HCN1: variants seen among roughly 807,000 people sequenced by gnomAD.
HCN1 encodes potassium/sodium hyperpolarization-activated cyclic nucleotide-gated channel 1.
A neutral mutation model predicts 78.9 loss-of-function variants in HCN1; 13 were observed. That is an observed-to-expected ratio of 0.16 (90% CI 0.11 to 0.26). The LOEUF is 0.26. HCN1 is among the 10% of genes least tolerant of loss of function. The pLI is 1.00. For missense variants in HCN1, 810 were observed against 1,154.3 expected, an observed-to-expected ratio of 0.70 and a Z score of 4.32; for synonymous variants, 552 against 455.5, an observed-to-expected ratio of 1.21 and a Z score of -2.70.
At chr5:45,352,199 A>AG (rs1287797426) in intron 5 of HCN1, among the ~76,000 whole-genome samples, 1 of 152,202 alleles carries the variant, frequency 6.6e-6, no homozygotes, top group African/African-American at 2.4e-5. Context: ...TGCAGCCATA[A>AG]AAATGATGAG....
intron 2 of HCN1, among the ~76,000 whole-genome samples, chr5:45,529,238 A>G (rs1742793747): frequency 6.6e-6 from 1 of 152,074 alleles, no homozygotes; most frequent in African/African-American, 2.4e-5. Context: ...CTAACTAAAA[A>G]TAAAGCAGAA....
intron 4 of HCN1, 44 bp from the exon 5 acceptor site, chr5:45,353,290 G>T (rs764370325): frequency 9.4e-6 from 13 of 1,377,586 alleles, no homozygotes; most frequent in South Asian, 7.1e-5. Flanking sequence ...CATTGTTAGG[G>T]TGTATCAGAA....
chr5:45,428,893 G>A (rs918841521), intron 3 of HCN1, among the ~76,000 whole-genome samples: 14 of 151,980 alleles, frequency 9.2e-5, no homozygotes, highest in South Asian at 2.1e-4. Flanking sequence ...ATATGTAATC[G>A]GAAAAGTGCA....
chr5:45,519,915 T>G (rs1032541565), intron 2 of HCN1, among the ~76,000 whole-genome samples: 1 of 151,998 alleles, frequency 6.6e-6, no homozygotes, highest in Non-Finnish European at 1.5e-5. Flanking sequence ...TAGGTTGGCT[T>G]TCTATAAAAA....
At chr5:45,663,668 A>C (rs1745969812) in intron 1 of HCN1, among the ~76,000 whole-genome samples, 1 of 151,844 alleles carries the variant, frequency 6.6e-6, no homozygotes, top group African/African-American at 2.4e-5. Flanking sequence ...GACACTTCTC[A>C]AGAGAAGACA....
At position 45,262,245 on chromosome 5, in the gene HCN1, G is replaced by A; in HGVS notation, c.2349C>T (p.Val783=). 1 of 1,614,062 alleles carries A rather than the reference G, an allele frequency of 6.2e-7. No homozygotes were observed. Among genetic ancestry groups the A allele is most frequent in the Non-Finnish European group, 8.5e-7 (1 of 1,180,034 alleles). ...ALHNTNLTRE[V]RPLSASQPSL... ...AGGGCTGCGAGGCGGAGAGTGGCCT[G>A]ACTTCCCGGGTCAGGTTGGTGTTGT... is the stretch of plus-strand genomic sequence containing the variant. Residue 783 remains valine (V), a synonymous_variant, in exon 8 of 8, where the codon GTC becomes GTT. Transcript: ENST00000303230.
At chr5:45,521,561 G>A (rs1742615231) in intron 2 of HCN1, among the ~76,000 whole-genome samples, 1 of 151,788 alleles carries the variant, frequency 6.6e-6, no homozygotes, top group Non-Finnish European at 1.5e-5. Context: ...GTGTCTTTGT[G>A]TCCAAATCAA....
At chr5:45,285,878 C>G (rs1192692520) in intron 6 of HCN1, among the ~76,000 whole-genome samples, 1 of 151,946 alleles carries the variant, frequency 6.6e-6, no homozygotes, top group African/African-American at 2.4e-5. Flanking sequence ...ATTTGTTCTG[C>G]AGCACCTTAT....
chr5:45,305,638 T>A (rs946973658), intron 5 of HCN1, among the ~76,000 whole-genome samples: 6 of 147,978 alleles, frequency 4.1e-5, no homozygotes, highest in Non-Finnish European at 7.4e-5. Context: ...TCAATATGCA[T>A]GCATATAAAG....
chr5:45,272,080 C>G (rs111962458), intron 6 of HCN1, among the ~76,000 whole-genome samples: 2 of 151,800 alleles, frequency 1.3e-5, no homozygotes, highest in Non-Finnish European at 2.9e-5. Context: ...CCCTTAGCAA[C>G]GAAAAAAGAG....
intron 2 of HCN1, among the ~76,000 whole-genome samples, chr5:45,473,039 T>C (rs1351120832): frequency 1.3e-5 from 2 of 151,978 alleles, no homozygotes; most frequent in Non-Finnish European, 1.5e-5. Context: ...TACAGAGTTC[T>C]ACTTTCTCCT....
intron 1 of HCN1, among the ~76,000 whole-genome samples, chr5:45,658,606 G>A (rs1031724991): frequency 9.9e-5 from 15 of 151,726 alleles, no homozygotes; most frequent in East Asian, 3.9e-4. Context: ...CGCACCGTGC[G>A]CGAGCCGAAG....
chr5:45,301,668 C>T lies in HCN1; in HGVS notation c.1618+1931G>A, dbSNP rs183213031. Among the ~76,000 whole-genome samples the T allele has an allele frequency of 5.4e-5, 8 of 149,500 alleles. No homozygotes were observed. In the East Asian group the frequency reaches 1.4e-3, roughly 26 times the overall value. ...GCCTGCAGAGCAAGGTTGCAGTGAG[C>T]CATAATCATGCCAGTGCACTTCAGC... On this transcript the variant is annotated intron_variant, in intron 6 of 7. Coordinates refer to ENST00000303230, the MANE Select transcript of HCN1 (RefSeq NM_021072.4).
In HCN1 at chr5:45,261,666, C is replaced by T. The variant is rs1334061186; in HGVS notation, c.*255G>A. 2 of 298,932 alleles carry T rather than the reference C, an allele frequency of 6.7e-6. No individual in the cohort carries two copies. The highest frequency in any genetic ancestry group is 1.2e-5 in the Non-Finnish European group (2 of 160,722). The allele number at this position is 298,932 out of a possible 1,614,324, so 18.5% of individuals were successfully genotyped here. A position where few individuals can be genotyped will look rare whatever the true frequency, so the allele number is the denominator to read the frequency against. ...ATAATCTTACAACGACATTTTAAAT[C>T]CTTTAATGATTTAAAGAAAGGAAGA... On this transcript the variant is annotated 3_prime_UTR_variant, in exon 8 of 8. Transcript: ENST00000303230.
At chr5:45,425,916 A>G (rs577297749) in intron 3 of HCN1, among the ~76,000 whole-genome samples, 1 of 152,210 alleles carries the variant, frequency 6.6e-6, no homozygotes, top group Non-Finnish European at 1.5e-5. Context: ...GACAAAAGAT[A>G]GAACACATAA....
At chr5:45,371,928 T>A (rs1377671577) in intron 4 of HCN1, among the ~76,000 whole-genome samples, 12 of 103,786 alleles carry the variant, frequency 1.2e-4, no homozygotes, top group African/African-American at 4.1e-4. Context: ...TAATATACAT[T>A]ATATTATATA....
chr5:45,626,054 C>T (rs1354896088), intron 2 of HCN1, among the ~76,000 whole-genome samples: 2 of 152,130 alleles, frequency 1.3e-5, no homozygotes, highest in East Asian at 1.9e-4. Context: ...GTCTTTACAA[C>T]GTTCCTATGA....
At chr5:45,349,008 C>A (rs918048563) in intron 5 of HCN1, among the ~76,000 whole-genome samples, 3 of 152,204 alleles carry the variant, frequency 2.0e-5, no homozygotes, top group African/African-American at 7.2e-5. Context: ...GAACTCAGCT[C>A]TGCAGCAAGC....
chr5:45,569,360 A>G (rs1480029609), intron 2 of HCN1, among the ~76,000 whole-genome samples: 2 of 152,190 alleles, frequency 1.3e-5, no homozygotes, highest in African/African-American at 4.8e-5. Context: ...TTCCTCCTCT[A>G]AATGTAATAT....
Sources: gnomAD v4.1 joint callset for allele counts (sites outside exome capture counted in the v4.1 genomes callset) on GRCh38, gnomAD v4.1.1 for gene constraint, MANE v1.5 for transcripts, NCBI Gene and HGNC (gene_info 2026-07-23, HGNC 2026-07-21) for gene names.